HIVEP3: variants seen among roughly 807,000 people sequenced by gnomAD.
HIVEP3 encodes transcription factor HIVEP3.
HIVEP3 carries 49 observed loss-of-function variants against 152.8 expected under a neutral mutation model. The observed-to-expected ratio is 0.32, with a 90% CI of 0.26 to 0.41. HIVEP3 has a LOEUF of 0.41. Ranked by LOEUF, HIVEP3 falls within the 10% of genes least tolerant of loss-of-function variation. The pLI is 1.00. For missense variants in HIVEP3, 2,790 were observed against 3,103.3 expected, an observed-to-expected ratio of 0.90 and a Z score of 2.40; for synonymous variants, 1,269 against 1,289.0, an observed-to-expected ratio of 0.98 and a Z score of 0.33.
At chr1:41,630,927 T>C (rs1206441088) in intron 2 of HIVEP3, among the ~76,000 whole-genome samples, 1 of 152,176 alleles carries the variant, frequency 6.6e-6, no homozygotes, top group East Asian at 1.9e-4. Flanking sequence ...TAAAAGCATA[T>C]TGTATTCCCC....
At chr1:41,603,550 G>A (rs1373667302) in intron 3 of HIVEP3, among the ~76,000 whole-genome samples, 1 of 143,512 alleles carries the variant, frequency 7.0e-6, no homozygotes, top group Non-Finnish European at 1.5e-5. Flanking sequence ...AGTGGAAACG[G>A]GGTTTCACCA....
chr1:41,539,872 G>A (rs1013710995), intron 5 of HIVEP3, among the ~76,000 whole-genome samples: 4 of 152,218 alleles, frequency 2.6e-5, no homozygotes, highest in African/African-American at 4.8e-5. Flanking sequence ...AATTTGTTAA[G>A]TGCTGACTCT....
chr1:41,720,318 AT>A (rs1646656879), intron 1 of HIVEP3, among the ~76,000 whole-genome samples: 1 of 152,182 alleles, frequency 6.6e-6, no homozygotes, highest in African/African-American at 2.4e-5. Context: ...AATTTTCCCC[AT>A]TTGGGACATT....
chr1:41,553,514 T>C (rs891481597), intron 5 of HIVEP3, among the ~76,000 whole-genome samples: 11 of 152,258 alleles, frequency 7.2e-5, no homozygotes, highest in African/African-American at 2.7e-4. Flanking sequence ...AGGTTAATAT[T>C]GTTATGTGTG....
At chr1:41,711,027 T>C (rs1238459683) in intron 1 of HIVEP3, among the ~76,000 whole-genome samples, 1 of 152,240 alleles carries the variant, frequency 6.6e-6, no homozygotes, top group East Asian at 1.9e-4. Context: ...CTCGAAGATG[T>C]CCCTGAGTCA....
At chr1:41,639,511 A>C (rs10789406) in intron 2 of HIVEP3, among the ~76,000 whole-genome samples, 84,621 of 152,054 alleles carry the variant, frequency 0.56, 24,018 homozygotes, top group Non-Finnish European at 0.61. Flanking sequence ...GTATGAACCC[A>C]GTATACAAAA....
intron 5 of HIVEP3, among the ~76,000 whole-genome samples, chr1:41,553,382 C>A (rs1401186631): frequency 1.3e-5 from 2 of 152,116 alleles, no homozygotes; most frequent in Non-Finnish European, 2.9e-5. Flanking sequence ...TTATTTTGAG[C>A]CTATGTGTGT....
intron 1 of HIVEP3, among the ~76,000 whole-genome samples, chr1:41,775,822 T>A (rs983464993): frequency 8.6e-5 from 13 of 151,638 alleles, no homozygotes; most frequent in African/African-American, 2.9e-4. Context: ...ACATGGAGAG[T>A]CCATGATTTC....
intron 2 of HIVEP3, among the ~76,000 whole-genome samples, chr1:41,632,898 G>A (rs1248044934): frequency 2.6e-5 from 4 of 152,196 alleles, no homozygotes; most frequent in Non-Finnish European, 4.4e-5. Flanking sequence ...GTAGGGGCCG[G>A]GACATGACGG....
rs890359893 is a variant in HIVEP3 at position 41,510,866 on chromosome 1, A to AGCTCT, written c.6801_6805dup (p.Leu2269GlnfsTer215). On this transcript the variant is annotated frameshift_variant, in exon 9 of 9. Coordinates refer to ENST00000372583, the MANE Select transcript of HIVEP3 (RefSeq NM_024503.5). LOFTEE classifies it low-confidence loss of function (END_TRUNC). ...CTCCTTGGGGTAGTCCCCGCCCTCC[A>AGCTCT]GCTCTGAGGAGAGTGTGAATTTGGA... 4 of 1,613,286 alleles carry AGCTCT rather than the reference A, an allele frequency of 2.5e-6. No individual in the cohort carries two copies. The highest frequency in any genetic ancestry group is 2.5e-6 in the Non-Finnish European group (3 of 1,179,878).
Position 41,942,916 on chromosome 1 carries a change from T to C in HIVEP3, n.120-24392A>G, listed in dbSNP as rs184823747. Among the ~76,000 whole-genome samples the C allele has an allele frequency of 2.6e-3, 395 of 152,270 alleles. 1 individual carries two copies. The highest frequency in any genetic ancestry group is 9.2e-3 in the African/African-American group (383 of 41,560). The stretch of plus-strand genomic sequence containing the variant: ...TATATTTTCTTTTTTTTTTCTTTTT[T>C]TGAGACGGAGTTTCGCTCTGTCGCC... On this transcript the variant is annotated intron_variant and non_coding_transcript_variant, in intron 1 of 3. Transcript: ENST00000489103.
At chr1:41,753,399 G>A (rs147305783) in intron 1 of HIVEP3, among the ~76,000 whole-genome samples, 20 of 152,284 alleles carry the variant, frequency 1.3e-4, no homozygotes, top group Non-Finnish European at 2.5e-4. Context: ...GGTGGCTCAC[G>A]CCTGTAATCC....
chr1:41,690,536 G>A (rs1185137358), intron 2 of HIVEP3, among the ~76,000 whole-genome samples: 1 of 152,204 alleles, frequency 6.6e-6, no homozygotes, highest in African/African-American at 2.4e-5. Flanking sequence ...AAGTGCCTTG[G>A]GCCAGGAGCC....
intron 1 of HIVEP3, among the ~76,000 whole-genome samples, chr1:41,917,687 G>A (rs986973842): frequency 2.0e-5 from 3 of 152,156 alleles, no homozygotes; most frequent in Non-Finnish European, 4.4e-5. Flanking sequence ...TTAAAAGATA[G>A]TAAAATGTGG....
chr1:41,582,094 G>A lies in HIVEP3; in HGVS notation c.2704C>T (p.Pro902Ser). The A allele has an allele frequency of 6.2e-7, 1 of 1,614,150 alleles. No individual in the cohort carries two copies. The highest frequency in any genetic ancestry group is 8.5e-7 in the Non-Finnish European group (1 of 1,180,030). ...AGGCGCAACCTCTTCTTTTTGGGTG[G>A]CAGCTTCTCAGCTGGGAGCTGGGCA... is the stretch of plus-strand genomic sequence containing the variant. ...TLAQLPAEKL[P>S]PKKKRLRLAE... The change falls in exon 4 of 9, where the codon CCA becomes TCA. Residue 902 changes from proline to serine, a missense_variant. Physicochemically the swap from Pro to Ser is moderately conservative, Grantham distance 74. Around this residue, in one of 9 missense-constraint regions of HIVEP3, gnomAD observed 1,078 missense variants for 1,165.3 expected, o/e 0.93. Coordinates refer to ENST00000372583, the MANE Select transcript of HIVEP3 (RefSeq NM_024503.5). The surrounding 1 kb of genome is among the most constrained non-coding windows in gnomAD (Gnocchi z 4.7).
rs185030438 is a variant in HIVEP3, at chr1:42,024,792, C to A, written n.119+11015G>T. Among the ~76,000 whole-genome samples, 701 of 152,306 alleles carry A rather than the reference C, an allele frequency of 4.6e-3. 5 individuals are homozygous for A. Among genetic ancestry groups the A allele is most frequent in the Middle Eastern group, 0.01 (3 of 294 alleles). On this transcript the variant is annotated intron_variant and non_coding_transcript_variant, in intron 1 of 3. Coordinates refer to the HIVEP3 transcript ENST00000489103. ...GATTGCCTTCAGTGAGGCAAAGTCA[C>A]TAAAGTGGTGGCAAACTCCACATTG...
chr1:41,575,836 C>A, intron 4 of HIVEP3, 147 bp from the exon 5 acceptor site: 1 of 855,120 alleles, frequency 1.2e-6, no homozygotes, highest in Non-Finnish European at 1.8e-6. Flanking sequence ...GTGCTATTAG[C>A]TCCACTTTAC....
At chr1:41,514,147 CTTTGTTTGTTTG>C (rs72280396) in intron 7 of HIVEP3, among the ~76,000 whole-genome samples, 1 of 151,662 alleles carries the variant, frequency 6.6e-6, no homozygotes, top group Middle Eastern at 3.2e-3. Flanking sequence ...AGAAGACAGT[CTTTGTTTGTTTG>C]TTTGTTTGTT....
intron 5 of HIVEP3, among the ~76,000 whole-genome samples, chr1:41,545,038 A>ACCACCACCACCACCACCAC (rs1643701058): frequency 6.0e-5 from 1 of 16,628 alleles, no homozygotes; most frequent in African/African-American, 2.4e-4. Flanking sequence ...ACCACCACCA[A>ACCACCACCACCACCACCAC]TACCACTACC....
Sources: gnomAD v4.1 joint callset for allele counts (sites outside exome capture counted in the v4.1 genomes callset) on GRCh38, gnomAD v4.1.1 for gene constraint, gnomAD v4.1.1 regional missense constraint, Gnocchi (gnomAD v3.1) non-coding constraint, MANE v1.5 for transcripts, NCBI Gene and HGNC (gene_info 2026-07-23, HGNC 2026-07-21) for gene names.